TAF10: variants seen among roughly 807,000 people sequenced by gnomAD.
The protein encoded by TAF10 is transcription initiation factor TFIID subunit 10.
TAF10 carries 2 observed loss-of-function variants against 18.1 expected under a neutral mutation model. That is an observed-to-expected ratio of 0.11 (90% CI 0.05 to 0.35). The LOEUF (loss-of-function observed/expected upper bound fraction) is 0.35, where lower values mean the gene tolerates loss of function less well. Among genes scored for constraint, TAF10 ranks in the 10% least tolerant of loss-of-function variants. TAF10 has a pLI of 1.00. For missense variants in TAF10, 293 were observed against 306.9 expected (o/e 0.95, Z 0.34); for synonymous variants, 158 against 134.6 (o/e 1.17, Z -1.20).
chr11:6,610,104 A>G lies in TAF10; in HGVS notation c.*818T>C. ...AGAAGTAGTGGAAGGGGGCAGAGAC[A>G]GGACAGGCAAGGGGGCCAGAACAGA... On this transcript the variant is annotated 3_prime_UTR_variant, in exon 5 of 5. Coordinates refer to ENST00000299424, the MANE Select transcript of TAF10 (RefSeq NM_006284.4). The G allele has an allele frequency of 6.2e-7, 1 of 1,611,506 alleles. No homozygotes were observed. The highest frequency in any genetic ancestry group is 8.5e-7 in the Non-Finnish European group (1 of 1,178,200).
rs1309822432 is a variant in TAF10 at position 6,612,169 on chromosome 11, G to C, written c.21C>G (p.Gly7=). 2 of 1,191,150 alleles carry C rather than the reference G, an allele frequency of 1.7e-6. No homozygotes were observed. Among genetic ancestry groups the C allele is most frequent in the Non-Finnish European group, 2.1e-6 (2 of 961,198 alleles). The allele number at this position is 1,191,150 out of a possible 1,614,324, so 73.8% of individuals were successfully genotyped here. Residue 7 remains glycine, a synonymous_variant, in exon 1 of 5, where the codon GGC becomes GGG. Transcript: ENST00000299424. MSCSGS[G]ADPEAAPASA... ...AGGCCGGCGCCGCCTCGGGGTCCGC[G>C]CCGGAGCCGCTGCAGCTCATCGGGC...
rs1855381356 is a variant in TAF10, at chr11:6,610,380, G to C, written c.*542C>G. On this transcript the variant is annotated 3_prime_UTR_variant, in exon 5 of 5. Transcript: ENST00000299424. ...CCTCACATATTTGTTCGGATATACA[G>C]TAATCCTGTCCCAAGGGCCAGTGGC... 6.2e-7 allele frequency: 1 copy of C among 1,613,142 alleles called. No homozygotes were observed. Among genetic ancestry groups the C allele is most frequent in the Non-Finnish European group, 8.5e-7 (1 of 1,179,252 alleles).
chr11:6,608,485 C>G lies in TAF10; in HGVS notation c.*2437G>C. ...TGTTTTTGGGGCCAAGATCAAGTGG[C>G]AGAGGTGAGTACTCAGCCCTTAATT... On this transcript the variant is annotated 3_prime_UTR_variant, in exon 5 of 5. Coordinates refer to ENST00000299424, the MANE Select transcript of TAF10 (RefSeq NM_006284.4). The surrounding 1 kb of genome is among the most constrained non-coding windows in gnomAD (Gnocchi z 4.9). 6.2e-7 allele frequency: 1 copy of G among 1,612,036 alleles called. No homozygotes were observed. The highest frequency in any genetic ancestry group is 1.1e-5 in the South Asian group (1 of 91,040).
Position 6,610,343 on chromosome 11 carries a change from T to C in TAF10, c.*579A>G. On this transcript the variant is annotated 3_prime_UTR_variant, in exon 5 of 5. Transcript: ENST00000299424. Reference sequence around the variant, plus strand: ...TTGGTGATGGTGAAAATAACTGTAGTGGGCCTTGGCTCCTCACATATTTGT... The same window carrying C: ...TTGGTGATGGTGAAAATAACTGTAGCGGGCCTTGGCTCCTCACATATTTGT... 6.2e-7 allele frequency: 1 copy of C among 1,613,552 alleles called. No individual in the cohort carries two copies. Among genetic ancestry groups the C allele is most frequent in the Non-Finnish European group, 8.5e-7 (1 of 1,179,714 alleles).
rs201616044 is a variant in TAF10, at chr11:6,611,210, G to T, written c.546C>A (p.Gly182=). ...ACACCTTGCTCTTGCTCCGGGAGCT[G>T]CCGGAGGCCGTGCCCTTCATTTTGC... The part of the protein sequence containing the change: ...QHCKMKGTAS[G]SSRSKSKDRK... The change falls in exon 4 of 5, where the codon GGC becomes GGA. Residue 182 remains glycine, a synonymous_variant. Coordinates refer to ENST00000299424, the MANE Select transcript of TAF10 (RefSeq NM_006284.4). The T allele has an allele frequency of 6.8e-6, 11 of 1,614,072 alleles. No homozygotes were observed. The East Asian group carries it at 2.2e-4, about 33-fold the overall frequency.
In TAF10 at chr11:6,607,946, G is replaced by A; in HGVS notation, c.*2976C>T. On this transcript the variant is annotated 3_prime_UTR_variant, in exon 5 of 5. Coordinates refer to ENST00000299424, the MANE Select transcript of TAF10 (RefSeq NM_006284.4). ...GAATGAGAATCAAAGTCCTAGAGAGGTAAGCCTTCCCAGAGAGTATGTAAT... is the reference window on the plus strand; with the variant it reads ...GAATGAGAATCAAAGTCCTAGAGAGATAAGCCTTCCCAGAGAGTATGTAAT... 9.6e-6 allele frequency: 12 copies of A among 1,253,864 alleles called. No homozygotes were observed. The highest frequency in any genetic ancestry group is 8.9e-5 in the South Asian group (7 of 78,972). The allele number at this position is 1,253,864 out of a possible 1,614,324, so 77.7% of individuals were successfully genotyped here. A position where few individuals can be genotyped will look rare whatever the true frequency, so the allele number is the denominator to read the frequency against.
Position 6,607,792 on chromosome 11 carries a change from G to A in TAF10, c.*3130C>T. 1.9e-6 allele frequency: 1 copy of A among 519,562 alleles called. No homozygotes were observed. Among genetic ancestry groups the A allele is most frequent in the Admixed American group, 3.2e-5 (1 of 31,170 alleles). 32.2% of individuals were successfully genotyped at this position (519,562 alleles called of 1,614,324 possible). On this transcript the variant is annotated 3_prime_UTR_variant, in exon 5 of 5. Transcript: ENST00000299424. ...CAGGGGAAGAGCACTACCACCTAAG[G>A]AAATGAGATGTGGGATATGGTGAAG...
In TAF10 at chr11:6,607,911, T is replaced by G; in HGVS notation, c.*3011A>C. 1.1e-6 allele frequency: 1 copy of G among 885,708 alleles called. No homozygotes were observed. The highest frequency in any genetic ancestry group is 3.3e-4 in the Middle Eastern group (1 of 3,000). The allele number at this position is 885,708 out of a possible 1,614,324, so 54.9% of individuals were successfully genotyped here. On this transcript the variant is annotated 3_prime_UTR_variant, in exon 5 of 5. Coordinates refer to ENST00000299424, the MANE Select transcript of TAF10 (RefSeq NM_006284.4). Reference sequence around the variant, plus strand: ...GGTCTGAAATGGACAGCTTTGGGAGTTGCTGGCATGAATGAGAATCAAAGT... The same window carrying G: ...GGTCTGAAATGGACAGCTTTGGGAGGTGCTGGCATGAATGAGAATCAAAGT...
chr11:6,610,232 G>A lies in TAF10; in HGVS notation c.*690C>T, dbSNP rs747548824. On this transcript the variant is annotated 3_prime_UTR_variant, in exon 5 of 5. Transcript: ENST00000299424. ...GTGCTTCTGTGGGAACTGGTGACAC[G>A]GGAGGTACCCTTTGCTGACCTCTCC... 2.4e-5 allele frequency: 39 copies of A among 1,614,104 alleles called. No homozygotes were observed. The highest frequency in any genetic ancestry group is 2.8e-5 in the Non-Finnish European group (33 of 1,180,046).
Position 6,609,124 on chromosome 11 carries a change from C to G in TAF10, c.*1798G>C, listed in dbSNP as rs1855236652. On this transcript the variant is annotated 3_prime_UTR_variant, in exon 5 of 5. Transcript: ENST00000299424. ...CATTGACTTCAAACAGCTTAACTTC[C>G]TGACGAAGCTCAACGAGAATCACTC... The G allele has an allele frequency of 6.2e-7, 1 of 1,614,048 alleles. No individual in the cohort carries two copies. Among genetic ancestry groups the G allele is most frequent in the Admixed American group, 1.7e-5 (1 of 60,010 alleles).
Position 6,610,164 on chromosome 11 carries a change from T to G in TAF10, c.*758A>C. The G allele has an allele frequency of 6.2e-7, 1 of 1,614,220 alleles. No individual in the cohort carries two copies. The highest frequency in any genetic ancestry group is 2.2e-5 in the East Asian group (1 of 44,892). On this transcript the variant is annotated 3_prime_UTR_variant, in exon 5 of 5. Coordinates refer to ENST00000299424, the MANE Select transcript of TAF10 (RefSeq NM_006284.4). ...TCTCTCCAGCTCTGCAGAAGAAGCC[T>G]GAAGACACAAACAGACGCTCAGCAG...
Position 6,612,088 on chromosome 11 carries a change from G to A in TAF10, c.102C>T (p.Pro34=), listed in dbSNP as rs1299112893. The A allele has an allele frequency of 8.1e-7, 1 of 1,237,816 alleles. No homozygotes were observed. The highest frequency in any genetic ancestry group is 1.0e-6 in the Non-Finnish European group (1 of 991,702). The allele number at this position is 1,237,816 out of a possible 1,614,324, so 76.7% of individuals were successfully genotyped here. ...CCTTGTTCTCCGCGGCGGTGCTGGA[G>A]GGCAGCGCGGCGGGAGCCGAGACCG... ...APPVSAPAAL[P]SSTAAENKAS... Residue 34 remains proline (P), a synonymous_variant, in exon 1 of 5, where the codon CCC becomes CCT. Coordinates refer to ENST00000299424, the MANE Select transcript of TAF10 (RefSeq NM_006284.4).
rs529751196 is a variant in TAF10 at position 6,608,110 on chromosome 11, A to G, written c.*2812T>C. ...AGAGGGCCGCTCTGCTGTGGTTGAG[A>G]TGTTGATCATGCGGGGGGCACGGAT... On this transcript the variant is annotated 3_prime_UTR_variant, in exon 5 of 5. Coordinates refer to ENST00000299424, the MANE Select transcript of TAF10 (RefSeq NM_006284.4). The surrounding 1 kb of genome is among the most constrained non-coding windows in gnomAD (Gnocchi z 4.9). 7 of 1,613,990 alleles carry G rather than the reference A, an allele frequency of 4.3e-6. No homozygotes were observed. In the East Asian group the frequency reaches 1.3e-4, roughly 31 times the overall value.
intron 1 of TAF10, 61 bp from the exon 2 acceptor site, chr11:6,611,879 T>C (rs1855472916): frequency 1.3e-6 from 2 of 1,569,578 alleles, no homozygotes; most frequent in Non-Finnish European, 8.6e-7. Flanking sequence ...CAGCTAGGTC[T>C]GTCTATACCC....
At position 6,609,803 on chromosome 11, in the gene TAF10, G is replaced by A. The variant is rs1430799146; in HGVS notation, c.*1119C>T. ...GCATGGCCTTCCTACACACACTAGAGCCCCTCATCCCACGACATGCACTCA... is the reference window on the plus strand; with the variant it reads ...GCATGGCCTTCCTACACACACTAGAACCCCTCATCCCACGACATGCACTCA... On this transcript the variant is annotated 3_prime_UTR_variant, in exon 5 of 5. Transcript: ENST00000299424. 6.2e-7 allele frequency: 1 copy of A among 1,614,136 alleles called. No homozygotes were observed. The highest frequency in any genetic ancestry group is 2.2e-5 in the East Asian group (1 of 44,876).
At chr11:6,611,919 C>T in intron 1 of TAF10, 39 bp downstream of exon 1, 1 of 1,576,564 alleles carries the variant, frequency 6.3e-7, no homozygotes, top group Non-Finnish European at 8.6e-7. Flanking sequence ...GGACCCAGCC[C>T]AAGACGCTTC....
In TAF10 at chr11:6,610,985, C is replaced by A; in HGVS notation, c.594G>T (p.Glu198Asp). The change falls in exon 5 of 5, where the codon GAG (glutamate) becomes GAT (aspartate). Residue 198 changes from glutamate to aspartate, a missense_variant. Physicochemically the swap from Glu to Asp is conservative, Grantham distance 45 (BLOSUM62 2). Coordinates refer to ENST00000299424, the MANE Select transcript of TAF10 (RefSeq NM_006284.4). ...ACTCGCTGAGGGCAGGGGTCAAGTC[C>A]TCCATGGTTAGAGTGTACTTGCGGT... Reference protein sequence around the residue: ...SKDRKYTLTMEDLTPALSEYG... With the variant: ...SKDRKYTLTMDDLTPALSEYG... 6.2e-7 allele frequency: 1 copy of A among 1,614,170 alleles called. No individual in the cohort carries two copies. Among genetic ancestry groups the A allele is most frequent in the African/African-American group, 1.3e-5 (1 of 75,044 alleles).
Position 6,610,919 on chromosome 11 carries a change from G to A in TAF10, c.*3C>T, listed in dbSNP as rs749176762. On this transcript the variant is annotated 3_prime_UTR_variant, in exon 5 of 5. Transcript: ENST00000299424. ...ACAGATAAGTACATTTAGGTTGGGT[G>A]GCTCAGGTGAAGTAGTGCGGCTTCT... 2 of 1,614,172 alleles carry A rather than the reference G, an allele frequency of 1.2e-6. No homozygotes were observed. Among genetic ancestry groups the A allele is most frequent in the Non-Finnish European group, 1.7e-6 (2 of 1,179,990 alleles).
rs1419769623 is a variant in TAF10 at position 6,607,363 on chromosome 11, A to G, written c.*3559T>C. On this transcript the variant is annotated 3_prime_UTR_variant, in exon 5 of 5. Transcript: ENST00000299424. ...TCATTTTCTTCTGTTTTCTATGCAC[A>G]GGATTGCTAAGTAGGGGAATCCTGC... is the stretch of plus-strand genomic sequence containing the variant. 1 of 152,582 alleles carries G rather than the reference A, an allele frequency of 6.6e-6. No homozygotes were observed. Among genetic ancestry groups the G allele is most frequent in the Non-Finnish European group, 1.5e-5 (1 of 68,292 alleles). 9.5% of individuals were successfully genotyped at this position (152,582 alleles called of 1,614,324 possible).
Sources: allele counts gnomAD v4.1 joint callset, GRCh38; gene constraint gnomAD v4.1.1; non-coding constraint Gnocchi (gnomAD v3.1); transcripts MANE v1.5; gene names NCBI Gene and HGNC (gene_info 2026-07-23, HGNC 2026-07-21).